Variants in DNAH7 observed in about 807,000 individuals in gnomAD.
The protein encoded by DNAH7 is dynein axonemal heavy chain 7.
Under a neutral mutation model 444.6 loss-of-function variants are expected in DNAH7, and 397 were observed. The observed-to-expected ratio is 0.89, with a 90% confidence interval of 0.82 to 0.97. The LOEUF (loss-of-function observed/expected upper bound fraction) is 0.97. Ranked by LOEUF, DNAH7 falls within the 50% of genes least tolerant of loss-of-function variation. The pLI is 0.00. For synonymous variants in DNAH7, 1,636 were observed against 1,624.4 expected (o/e 1.01, Z -0.17); for missense variants, 4,902 against 4,800.8 (o/e 1.02, Z -0.62).
At chr2:195,789,980 A>G (rs1235089404) in intron 57 of DNAH7, among the ~76,000 whole-genome samples, 4 of 152,224 alleles carry the variant, frequency 2.6e-5, no homozygotes, top group Non-Finnish European at 5.9e-5. Context: ...GTAAAGTTTC[A>G]GAATACAAAA....
At position 195,776,116 on chromosome 2, in the gene DNAH7, T is replaced by G. The variant is rs1695046487; in HGVS notation, c.11065-133A>C. 2.7e-6 allele frequency: 3 copies of G among 1,130,936 alleles called. No individual in the cohort carries two copies. In the South Asian group the frequency reaches 4.9e-5, roughly 19 times the overall value. The allele number at this position is 1,130,936 out of a possible 1,614,324, so 70.1% of individuals were successfully genotyped here. A position where few individuals can be genotyped will look rare whatever the true frequency, so the allele number is the denominator to read the frequency against. ...CCTGTGACACTGGACATTGAGTGCT[T>G]TCACTTTCTTTCAGCCTGGGCCAAA... is the stretch of plus-strand genomic sequence containing the variant. On this transcript the variant is annotated intron_variant, in intron 59 of 64. Transcript: ENST00000312428.
At chr2:195,763,314 A>G (rs1237772296) in intron 61 of DNAH7, among the ~76,000 whole-genome samples, 2 of 152,094 alleles carry the variant, frequency 1.3e-5, no homozygotes, top group African/African-American at 4.8e-5. Flanking sequence ...CTACCTAATG[A>G]TATATCTTAA....
chr2:195,794,330 T>C lies in DNAH7; in HGVS notation c.10716+8A>G, dbSNP rs763334176. On this transcript the variant is annotated splice_region_variant and intron_variant, in intron 57 of 64. Coordinates refer to ENST00000312428, the MANE Select transcript of DNAH7 (RefSeq NM_018897.3). ...GGGCCGAGGTAACAAGACTTAACCA[T>C]TACTAACAGGCTTTTTGCAGCTGCC... is the stretch of plus-strand genomic sequence containing the variant. The C allele has an allele frequency of 1.9e-6, 3 of 1,613,968 alleles. No individual in the cohort carries two copies. The highest frequency in any genetic ancestry group is 1.7e-5 in the Admixed American group (1 of 60,014).
chr2:195,794,954 C>T (rs1039430626), intron 56 of DNAH7, among the ~76,000 whole-genome samples: 1 of 152,178 alleles, frequency 6.6e-6, no homozygotes, highest in Non-Finnish European at 1.5e-5. Context: ...ATAAACAAGG[C>T]ACTCAGATAA....
chr2:196,064,175 C>T (rs1047000627), intron 1 of DNAH7, among the ~76,000 whole-genome samples: 11 of 151,818 alleles, frequency 7.2e-5, no homozygotes, highest in African/African-American at 2.2e-4. Flanking sequence ...ATTAGCTGGG[C>T]GTAGTGGCGG....
chr2:195,754,567 C>T (rs1693977122), intron 62 of DNAH7, 53 bp from the exon 63 acceptor site: 2 of 1,524,126 alleles, frequency 1.3e-6, no homozygotes, highest in South Asian at 1.3e-5. Context: ...ACCTTTTTTT[C>T]TTTTTTTTTG....
intron 57 of DNAH7, among the ~76,000 whole-genome samples, chr2:195,789,791 A>G (rs149192385): frequency 2.5e-4 from 38 of 152,210 alleles, no homozygotes; most frequent in African/African-American, 8.9e-4. Context: ...AAAATGAGAA[A>G]TTTATTAAAA....
rs771813348 is a variant in DNAH7, at chr2:195,988,194, T to C, written c.1389A>G (p.Ile463Met). ...SKSKPTTLKP[I>M]ILNEIVDAHK... ...GAGCATCTACAATTTCATTCAGAATTATGGGCTTCAAGGTTGTTGGTTTAG... is the reference window on the plus strand; with the variant it reads ...GAGCATCTACAATTTCATTCAGAATCATGGGCTTCAAGGTTGTTGGTTTAG... Residue 463 changes from isoleucine (I) to methionine (M), a missense_variant, in exon 13 of 65, where the codon ATA becomes ATG. Coordinates refer to ENST00000312428, the MANE Select transcript of DNAH7 (RefSeq NM_018897.3). 43 of 1,612,376 alleles carry C rather than the reference T, an allele frequency of 2.7e-5. No individual in the cohort carries two copies. In the South Asian group the frequency reaches 3.9e-4, roughly 15 times the overall value.
At chr2:196,020,307 T>C (rs868572802) in intron 8 of DNAH7, among the ~76,000 whole-genome samples, 3 of 152,140 alleles carry the variant, frequency 2.0e-5, no homozygotes, top group Non-Finnish European at 4.4e-5. Flanking sequence ...GTATAGGAGC[T>C]CAGTGGCCCT....
At chr2:196,045,161 A>G (rs113068986) in intron 5 of DNAH7, among the ~76,000 whole-genome samples, 7,873 of 146,032 alleles carry the variant, frequency 0.054, 314 homozygotes, top group African/African-American at 0.12. Flanking sequence ...GGAGGAGAAG[A>G]AGGAGGAGGA....
chr2:195,749,748 C>T (rs146496895), intron 63 of DNAH7, among the ~76,000 whole-genome samples: 2,731 of 150,346 alleles, frequency 0.018, 77 homozygotes, highest in African/African-American at 0.063. Context: ...AACCAAACAC[C>T]GCGTATTCTC....
intron 12 of DNAH7, among the ~76,000 whole-genome samples, chr2:195,990,686 GATTT>G (rs1487827980): frequency 2.7e-5 from 4 of 149,872 alleles, no homozygotes; most frequent in African/African-American, 9.8e-5. Flanking sequence ...TAGAAGTGTG[GATTT>G]ATTTCTAGGT....
chr2:196,034,991 G>A (rs1380740344), intron 5 of DNAH7, among the ~76,000 whole-genome samples: 2 of 152,164 alleles, frequency 1.3e-5, no homozygotes, highest in African/African-American at 4.8e-5. Context: ...AGACCAGCCT[G>A]ACCAACATGG....
At chr2:196,040,852 GATAA>G (rs1475547059) in intron 5 of DNAH7, among the ~76,000 whole-genome samples, 1 of 152,006 alleles carries the variant, frequency 6.6e-6, no homozygotes, top group Non-Finnish European at 1.5e-5. Flanking sequence ...TGTTAGAACT[GATAA>G]ATGATTTCAG....
chr2:195,900,457 T>C lies in DNAH7; in HGVS notation c.4373A>G (p.Tyr1458Cys). ...FRTVAMMVPD[Y>C]AMIAEIVLYS... ...TAGGACTATTTCAGCAATCATGGCA[T>C]AGTCAGGTACCATCATTGCTACTGT... The change falls in exon 28 of 65, where the codon TAT (tyrosine) becomes TGT (cysteine). Residue 1458 changes from tyrosine (Y) to cysteine (C), a missense_variant. Transcript: ENST00000312428. 3 of 1,613,986 alleles carry C rather than the reference T, an allele frequency of 1.9e-6. No homozygotes were observed. Among genetic ancestry groups the C allele is most frequent in the Middle Eastern group, 1.7e-4 (1 of 6,060 alleles).
chr2:195,738,225 T>A, intron 64 of DNAH7, 98 bp from the exon 65 acceptor site: 1 of 1,057,152 alleles, frequency 9.5e-7, no homozygotes, highest in South Asian at 1.5e-5. Flanking sequence ...AGGTTATGCA[T>A]GCAGATTTCT....
At chr2:195,891,050 AT>A (rs1701986498) in intron 31 of DNAH7, among the ~76,000 whole-genome samples, 1 of 152,284 alleles carries the variant, frequency 6.6e-6, no homozygotes, top group Non-Finnish European at 1.5e-5. Context: ...TGGTCTGCGG[AT>A]TCTTTTTATG....
intron 33 of DNAH7, among the ~76,000 whole-genome samples, chr2:195,887,222 C>T (rs890054753): frequency 6.6e-6 from 1 of 151,886 alleles, no homozygotes; most frequent in Admixed American, 6.6e-5. Flanking sequence ...ATAGAAAATT[C>T]GTTTATTATT....
At chr2:195,839,844 A>C (rs1698576615) in intron 47 of DNAH7, among the ~76,000 whole-genome samples, 1 of 151,842 alleles carries the variant, frequency 6.6e-6, no homozygotes, top group South Asian at 2.1e-4. Context: ...TAGACCTGTT[A>C]CTATTTCAAA....
Sources: gnomAD v4.1 joint callset for allele counts (sites outside exome capture counted in the v4.1 genomes callset) on GRCh38, gnomAD v4.1.1 for gene constraint, MANE v1.5 for transcripts, NCBI Gene and HGNC (gene_info 2026-07-23, HGNC 2026-07-21) for gene names.